Variants in INSRR observed in about 807,000 individuals in gnomAD.
The protein encoded by INSRR is insulin receptor-related protein.
Under a neutral mutation model 130.0 loss-of-function variants are expected in INSRR, and 114 were observed. The observed-to-expected ratio is 0.88, with a 90% CI of 0.75 to 1.02. INSRR has a LOEUF of 1.02. Ranked by LOEUF, INSRR falls within the 50% of genes least tolerant of loss-of-function variation. The pLI, the probability that INSRR is intolerant of heterozygous loss-of-function variation, is 0.00. For synonymous variants in INSRR, 674 were observed against 705.2 expected (o/e 0.96, Z 0.70); for missense variants, 1,657 against 1,735.2 (o/e 0.95, Z 0.80).
rs766058911 is a variant in INSRR, at chr1:156,841,444, G to C, written c.3612C>G (p.Phe1204Leu). The C allele has an allele frequency of 5.0e-6, 8 of 1,613,788 alleles. No individual in the cohort carries two copies. The African/African-American group carries it at 6.7e-5, about 13-fold the overall frequency. The change falls in exon 21 of 22, where the codon TTC (phenylalanine) becomes TTG (leucine). Residue 1204 changes from phenylalanine (F) to leucine (L), a missense_variant. Phe to Leu is a conservative substitution (Grantham distance 22, BLOSUM62 0). Transcript: ENST00000368195. ...QGLSNEQVLK[F>L]VMDGGVLEEL... ...CCTCCAGGACCCCGCCATCCATGAC[G>C]AACTTCAGCACCTGCTCATTGGACA...
Position 156,857,229 on chromosome 1 carries a change from G to A in INSRR, c.85+1308C>T, listed in dbSNP as rs76350239. Among the ~76,000 whole-genome samples the A allele has an allele frequency of 9.7e-3, 1,389 of 143,038 alleles. 15 individuals are homozygous for A. The highest frequency in any genetic ancestry group is 0.022 in the South Asian group (95 of 4,286). The allele number at this position is 143,038 out of a possible 152,430, so 93.8% of individuals were successfully genotyped here. A position where few individuals can be genotyped will look rare whatever the true frequency, so the allele number is the denominator to read the frequency against. The stretch of plus-strand genomic sequence containing the variant: ...TGTGTGTGTGTATGTCTGAGCCCAC[G>A]CAGATACACACACAAAAAAGAGGGA... On this transcript the variant is annotated intron_variant, in intron 1 of 21. Transcript: ENST00000368195.
At position 156,844,499 on chromosome 1, in the gene INSRR, A is replaced by G; in HGVS notation, c.2700T>C (p.Ser900=). ...TGTAGAAGGCAACACTGTCTGTCCA[A>G]GAGCCATTGCCAGCCAGTGAGGTTG... ...VRATSLAGNG[S]WTDSVAFYIL... Residue 900 remains serine, a synonymous_variant, in exon 14 of 22, where the codon TCT becomes TCC. Coordinates refer to ENST00000368195, the MANE Select transcript of INSRR (RefSeq NM_014215.3). 1.9e-6 allele frequency: 3 copies of G among 1,614,168 alleles called. No individual in the cohort carries two copies. The highest frequency in any genetic ancestry group is 2.5e-6 in the Non-Finnish European group (3 of 1,180,018).
chr1:156,849,513 G>GGGGGGGGGGGGGGGGGGGGGGGGGC, intron 5 of INSRR, 53 bp from the exon 6 acceptor site: 2 of 486,118 alleles, frequency 4.1e-6, no homozygotes, highest in Non-Finnish European at 8.3e-6. Context: ...CAGGGGGTGG[G>GGGGGGGGGGGGGGGGGGGGGGGGGC]AAAGGGGATG....
rs374292735 is a variant in INSRR, at chr1:156,845,605, C to A, written c.2174+14G>T. 10 of 1,590,946 alleles carry A rather than the reference C, an allele frequency of 6.3e-6. No homozygotes were observed. The highest frequency in any genetic ancestry group is 7.7e-6 in the Non-Finnish European group (9 of 1,169,074). On this transcript the variant is annotated intron_variant, in intron 10 of 21. Transcript: ENST00000368195. ...ACTCATCAGACCCTCCCAGGCCGCG[C>A]GCGCTCTTCGCACATGGGGATGGTG...
chr1:156,858,407 G>T, intron 1 of INSRR, 130 bp downstream of exon 1: 1 of 716,446 alleles, frequency 1.4e-6, no homozygotes, highest in South Asian at 1.5e-5. Context: ...CAGTTCTCCT[G>T]AGCGCTAACC....
chr1:156,842,153 C>T lies in INSRR; in HGVS notation c.3356G>A (p.Arg1119His), dbSNP rs755716153. 9.3e-6 allele frequency: 15 copies of T among 1,613,864 alleles called. No homozygotes were observed. The highest frequency in any genetic ancestry group is 6.7e-5 in the East Asian group (3 of 44,880). ...NKFVHRDLAA[R>H]NCMVSQDFTV... ...GAAGTCCTGGGACACCATGCAGTTG[C>T]GGGCTGCTAGATCTCGGTGCACAAA... The change falls in exon 19 of 22, where the codon CGC (arginine) becomes CAC (histidine). Residue 1119 changes from arginine to histidine, a missense_variant. By Grantham distance (29) the Arg-to-His change is conservative (BLOSUM62 0). Transcript: ENST00000368195.
chr1:156,846,292 C>T (rs923818451), intron 8 of INSRR, among the ~76,000 whole-genome samples, 173 bp from the exon 9 acceptor site: 1 of 152,050 alleles, frequency 6.6e-6, no homozygotes, highest in Non-Finnish European at 1.5e-5. Flanking sequence ...CCTTCTCTGC[C>T]ATAGGCCCTT....
In INSRR at chr1:156,842,917, C is replaced by T. The variant is rs545506314; in HGVS notation, c.3126+87G>A. 5 of 1,039,278 alleles carry T rather than the reference C, an allele frequency of 4.8e-6. No individual in the cohort carries two copies. The African/African-American group carries it at 7.9e-5, about 16-fold the overall frequency. 64.4% of individuals were successfully genotyped at this position (1,039,278 alleles called of 1,614,324 possible). ...GGTCCCAATCTTGACCTTAATGGTG[C>T]CCTAACCTCATCTCTGACCCTTTCT... On this transcript the variant is annotated intron_variant, in intron 17 of 21. Coordinates refer to ENST00000368195, the MANE Select transcript of INSRR (RefSeq NM_014215.3).
At position 156,840,906 on chromosome 1, in the gene INSRR, G is replaced by A. The variant is rs1376877406; in HGVS notation, c.3861C>T (p.Asp1287=). 1 of 1,614,012 alleles carries A rather than the reference G, an allele frequency of 6.2e-7. No homozygotes were observed. Among genetic ancestry groups the A allele is most frequent in the Non-Finnish European group, 8.5e-7 (1 of 1,179,918 alleles). The change falls in exon 22 of 22, where the codon GAC becomes GAT. Residue 1287 remains aspartate (D), a synonymous_variant. Transcript: ENST00000368195. ...AEPDSSPTPR[D]CSPQNGGPGH is the part of the protein sequence containing the mutation. ...CTGGACCCCCATTTTGAGGGCTGCA[G>A]TCTCTTGGAGTGGGTGAGGAGTCAG... is the stretch of plus-strand genomic sequence containing the variant.
chr1:156,856,375 A>G (rs1244251504), intron 1 of INSRR, among the ~76,000 whole-genome samples: 1 of 152,212 alleles, frequency 6.6e-6, no homozygotes, highest in Non-Finnish European at 1.5e-5. Flanking sequence ...CCCAGTCTTA[A>G]GGGAGTTAGA....
Position 156,845,082 on chromosome 1 carries a change from G to T in INSRR, c.2431C>A (p.Pro811Thr), listed in dbSNP as rs1457186355. Residue 811 changes from proline to threonine, a missense_variant, in exon 12 of 22, where the codon CCC becomes ACC. Physicochemically the swap from Pro to Thr is conservative, Grantham distance 38 (BLOSUM62 -1). Coordinates refer to ENST00000368195, the MANE Select transcript of INSRR (RefSeq NM_014215.3). Reference sequence around the variant, plus strand: ...GTGTGTGTGGATCACCTACTGTGGGGCATGGTGCGCGCAAAGACGAAGGTG... The same window carrying T: ...GTGTGTGTGGATCACCTACTGTGGGTCATGGTGCGCGCAAAGACGAAGGTG... ...AATFVFARTM[P>T]HREADGIPGK... 1 of 1,606,584 alleles carries T rather than the reference G, an allele frequency of 6.2e-7. No homozygotes were observed. The highest frequency in any genetic ancestry group is 1.7e-5 in the Admixed American group (1 of 59,042).
rs756326222 is a variant in INSRR at position 156,843,204 on chromosome 1, G to A, written c.2926C>T (p.Arg976Trp). The A allele has an allele frequency of 6.0e-5, 97 of 1,613,906 alleles. No homozygotes were observed. The highest frequency in any genetic ancestry group is 7.5e-5 in the Non-Finnish European group (88 of 1,180,040). The change falls in exon 17 of 22, where the codon CGG (arginine) becomes TGG (tryptophan). Residue 976 changes from arginine (R) to tryptophan (W), a missense_variant. Arg to Trp is a moderately radical substitution (Grantham distance 101). Coordinates refer to ENST00000368195, the MANE Select transcript of INSRR (RefSeq NM_014215.3). ...MYVPDEWEVP[R>W]EQISIIRELG... ...TCCCGGATTATCGAGATCTGCTCCC[G>A]AGGCACCTCCCATTCATCAGGGACA...
chr1:156,853,712 C>G (rs757244276), intron 2 of INSRR, 40 bp downstream of exon 2: 1 of 1,557,508 alleles, frequency 6.4e-7, no homozygotes, highest in Non-Finnish European at 8.7e-7. Context: ...TGACCCTGCT[C>G]TCTCCCTTCC....
intron 15 of INSRR, 106 bp from the exon 16 acceptor site, chr1:156,843,585 C>A: frequency 1.7e-6 from 2 of 1,184,810 alleles, no homozygotes; most frequent in Non-Finnish European, 2.5e-6. Context: ...AGTTACTGAC[C>A]ACACCCCCAG....
intron 1 of INSRR, 75 bp downstream of exon 1, chr1:156,858,462 T>G: frequency 2.7e-6 from 3 of 1,106,492 alleles, no homozygotes; most frequent in Non-Finnish European, 4.2e-6. Flanking sequence ...GTGCTGTGGC[T>G]GCAAGCTCAG....
chr1:156,845,577 C>A, intron 10 of INSRR, 42 bp downstream of exon 10: 1 of 1,529,950 alleles, frequency 6.5e-7, no homozygotes, highest in South Asian at 1.3e-5. Flanking sequence ...CCTCACAGGC[C>A]CCACTCATCA....
rs1655347069 is a variant in INSRR, at chr1:156,854,669, G to A, written c.86-366C>T. 6.6e-6 allele frequency among the ~76,000 whole-genome samples: 1 copy of A among 152,164 alleles called. No individual in the cohort carries two copies. Among genetic ancestry groups the A allele is most frequent in the Non-Finnish European group, 1.5e-5 (1 of 68,028 alleles). ...CTTTCTTTTTCACCTTGTACGTCCT[G>A]TGGGTTTATCTTTAAAATATGTCCA... is the stretch of plus-strand genomic sequence containing the variant. On this transcript the variant is annotated intron_variant, in intron 1 of 21. Transcript: ENST00000368195. This position sits in a 1 kb window ranked among gnomAD's most constrained non-coding sequence, Gnocchi z 4.2.
At chr1:156,845,463 T>C in intron 10 of INSRR, 50 bp from the exon 11 acceptor site, 1 of 1,523,322 alleles carries the variant, frequency 6.6e-7, no homozygotes, top group Non-Finnish European at 8.8e-7. Context: ...TGCACCCCTG[T>C]GCCCTCTGCA....
intron 2 of INSRR, 129 bp from the exon 3 acceptor site, chr1:156,852,320 G>A (rs1254997712): frequency 2.2e-6 from 2 of 902,530 alleles, no homozygotes; most frequent in African/African-American, 3.4e-5. Context: ...CCATTCAGAT[G>A]ACACTGGTTG....
Sources: allele counts gnomAD v4.1 joint callset (sites outside exome capture counted in the v4.1 genomes callset), GRCh38; gene constraint gnomAD v4.1.1; non-coding constraint Gnocchi (gnomAD v3.1); transcripts MANE v1.5; gene names NCBI Gene and HGNC (gene_info 2026-07-23, HGNC 2026-07-21).